THRB: variants seen among roughly 807,000 people sequenced by gnomAD.
THRB encodes the protein thyroid hormone receptor beta, also known as nuclear receptor subfamily 1 group A member 2.
A neutral mutation model predicts 47.8 loss-of-function variants in THRB; 12 were observed. That is an observed-to-expected ratio of 0.25 (90% CI 0.16 to 0.41). The LOEUF (loss-of-function observed/expected upper bound fraction) is 0.41. Ranked by LOEUF, THRB falls within the 10% of genes least tolerant of loss-of-function variation. THRB has a pLI of 1.00. For missense variants in THRB, 348 were observed against 589.2 expected, an observed-to-expected ratio of 0.59 and a Z score of 4.24; for synonymous variants, 218 against 212.2, an observed-to-expected ratio of 1.03 and a Z score of -0.24.
chr3:24,366,175 CAGTAG>C (rs2064441236), intron 1 of THRB, among the ~76,000 whole-genome samples: 1 of 152,144 alleles, frequency 6.6e-6, no homozygotes, highest in South Asian at 2.1e-4. Flanking sequence ...CAGTTTTTGG[CAGTAG>C]AGTATACACA....
chr3:24,118,747 C>G lies in THRB; in HGVS notation c.*4137G>C, dbSNP rs1262877277. 1 of 152,610 alleles carries G rather than the reference C, an allele frequency of 6.6e-6. No individual in the cohort carries two copies. The highest frequency in any genetic ancestry group is 6.5e-5 in the Admixed American group (1 of 15,276). The allele number at this position is 152,610 out of a possible 1,614,324, so 9.5% of individuals were successfully genotyped here. The stretch of plus-strand genomic sequence containing the variant: ...AATTTACATGAGTATTATCTGCATC[C>G]TGAGGAGGACAGATTTATATTTGAT... On this transcript the variant is annotated 3_prime_UTR_variant, in exon 11 of 11. Coordinates refer to ENST00000646209, the MANE Select transcript of THRB (RefSeq NM_001354712.2).
chr3:24,292,317 C>T (rs1223337303), intron 3 of THRB, among the ~76,000 whole-genome samples: 1 of 152,134 alleles, frequency 6.6e-6, no homozygotes, highest in Non-Finnish European at 1.5e-5. Flanking sequence ...ACTATTTTTA[C>T]CATAAACATG....
At chr3:24,306,937 T>C (rs756229493) in intron 2 of THRB, among the ~76,000 whole-genome samples, 4 of 152,064 alleles carry the variant, frequency 2.6e-5, no homozygotes, top group Non-Finnish European at 4.4e-5. Context: ...CTATCATATC[T>C]GGTTCTAAAA....
chr3:24,324,311 C>T (rs1269113621), intron 2 of THRB, among the ~76,000 whole-genome samples: 2 of 152,206 alleles, frequency 1.3e-5, no homozygotes, highest in Non-Finnish European at 2.9e-5. Context: ...TTCATTCTAT[C>T]TTTCTCCTTC....
intron 1 of THRB, among the ~76,000 whole-genome samples, chr3:24,434,461 C>T (rs2070743751): frequency 6.6e-6 from 1 of 152,126 alleles, no homozygotes; most frequent in South Asian, 2.1e-4. Flanking sequence ...GAACAGACAC[C>T]AAAGTAATGT....
At chr3:24,205,878 C>T (rs1459927269) in intron 4 of THRB, among the ~76,000 whole-genome samples, 2 of 152,068 alleles carry the variant, frequency 1.3e-5, no homozygotes, top group African/African-American at 2.4e-5. Flanking sequence ...AGACTTTAAA[C>T]CAACAAAGAT....
At chr3:24,198,525 A>G (rs1415677688) in intron 4 of THRB, among the ~76,000 whole-genome samples, 2 of 137,012 alleles carry the variant, frequency 1.5e-5, no homozygotes, top group Non-Finnish European at 3.0e-5. Context: ...AACTGGTGGG[A>G]AGGAGCCTGT....
Position 24,269,277 on chromosome 3 carries a change from C to CCACACACA in THRB, c.-43+27941_-43+27948dup, listed in dbSNP as rs4024153. Among the ~76,000 whole-genome samples the CCACACACA allele has an allele frequency of 6.7e-3, 948 of 140,696 alleles. 3 individuals carry two copies. Among genetic ancestry groups the CCACACACA allele is most frequent in the African/African-American group, 0.017 (646 of 37,110 alleles). The allele number at this position is 140,696 out of a possible 152,430, so 92.3% of individuals were successfully genotyped here. ...CCATAGGCTTATTAAAATGGATACA[C>CCACACACA]CACACACACACACACACACACACAC... is the stretch of plus-strand genomic sequence containing the variant. On this transcript the variant is annotated intron_variant, in intron 3 of 10. Transcript: ENST00000646209.
At chr3:24,170,801 A>C (rs544969100) in intron 5 of THRB, among the ~76,000 whole-genome samples, 4 of 152,220 alleles carry the variant, frequency 2.6e-5, no homozygotes, top group African/African-American at 9.6e-5. Context: ...ATACATAACA[A>C]CACTTGCTCT....
At chr3:24,245,771 G>A (rs1439358368) in intron 3 of THRB, among the ~76,000 whole-genome samples, 1 of 152,114 alleles carries the variant, frequency 6.6e-6, no homozygotes, top group Non-Finnish European at 1.5e-5. Flanking sequence ...AAATTAGCCG[G>A]GTGTGGTGGC....
At chr3:24,278,144 C>A (rs901856723) in intron 3 of THRB, among the ~76,000 whole-genome samples, 7 of 152,136 alleles carry the variant, frequency 4.6e-5, no homozygotes, top group African/African-American at 1.7e-4. Flanking sequence ...ACAGATTACA[C>A]AACAGAAAGA....
At chr3:24,273,658 T>C (rs541137986) in intron 3 of THRB, among the ~76,000 whole-genome samples, 4 of 152,356 alleles carry the variant, frequency 2.6e-5, no homozygotes, top group African/African-American at 7.2e-5. Context: ...ATAGTCTTTA[T>C]TGATCCAACT....
chr3:24,311,872 C>G (rs1027942101), intron 2 of THRB, among the ~76,000 whole-genome samples: 1 of 152,092 alleles, frequency 6.6e-6, no homozygotes, highest in Non-Finnish European at 1.5e-5. Context: ...TGCTTAAAAC[C>G]TCTCATTTAC....
intron 4 of THRB, among the ~76,000 whole-genome samples, chr3:24,226,383 C>A (rs1041339644): frequency 6.6e-6 from 1 of 152,192 alleles, no homozygotes; most frequent in African/African-American, 2.4e-5. Flanking sequence ...TGTTTTATCT[C>A]ATACACAAAC....
At chr3:24,303,866 T>C (rs922804377) in intron 2 of THRB, among the ~76,000 whole-genome samples, 13 of 152,226 alleles carry the variant, frequency 8.5e-5, no homozygotes, top group Non-Finnish European at 1.3e-4. Context: ...TTTTTCCTCC[T>C]TTAATTTATT....
chr3:24,213,932 A>G (rs546552678), intron 4 of THRB, among the ~76,000 whole-genome samples: 2 of 152,270 alleles, frequency 1.3e-5, no homozygotes, highest in African/African-American at 4.8e-5. Flanking sequence ...GCCTGCAGAT[A>G]TGGTCACTGT....
intron 2 of THRB, among the ~76,000 whole-genome samples, chr3:24,331,462 T>C (rs776822164): frequency 1.3e-5 from 2 of 152,194 alleles, no homozygotes; most frequent in Non-Finnish European, 2.9e-5. Flanking sequence ...CTAGTCATCT[T>C]TACAATTTCT....
At chr3:24,147,264 T>C (rs1192105177) in intron 6 of THRB, among the ~76,000 whole-genome samples, 1 of 152,150 alleles carries the variant, frequency 6.6e-6, no homozygotes, top group Admixed American at 6.5e-5. Context: ...TGAAAAGACA[T>C]GGATACTTGC....
chr3:24,459,915 T>A (rs570571461), intron 1 of THRB, among the ~76,000 whole-genome samples: 1 of 152,198 alleles, frequency 6.6e-6, no homozygotes, highest in Non-Finnish European at 1.5e-5. Context: ...GTTTGTATTT[T>A]GGGGGCATAA....
Sources: allele counts gnomAD v4.1 joint callset (sites outside exome capture counted in the v4.1 genomes callset), GRCh38; gene constraint gnomAD v4.1.1; transcripts MANE v1.5; gene names NCBI Gene and HGNC (gene_info 2026-07-23, HGNC 2026-07-21).